The following TSEN2 variants were observed in gnomAD, a reference collection of about 807,000 sequenced individuals.
TSEN2 encodes tRNA splicing endonuclease subunit 2.
In TSEN2, 54 loss-of-function variants were observed where a neutral mutation model predicts 59.2. The observed-to-expected ratio is 0.91, with a 90% CI of 0.73 to 1.14. The LOEUF (loss-of-function observed/expected upper bound fraction) is 1.14, where lower values mean the gene tolerates loss of function less well. Among genes scored for constraint, TSEN2 ranks in the 50% most tolerant of loss-of-function variants. The pLI is 0.00. For synonymous variants in TSEN2, 195 were observed against 198.2 expected, an observed-to-expected ratio of 0.98 and a Z score of 0.14; for missense variants, 636 against 576.2, an observed-to-expected ratio of 1.10 and a Z score of -1.06.
chr3:12,498,633 C>T (rs927196169), intron 4 of TSEN2, among the ~76,000 whole-genome samples: 1 of 152,170 alleles, frequency 6.6e-6, no homozygotes. Flanking sequence ...ATAAACGACA[C>T]ATAGTGACAG....
At chr3:12,511,588 G>A (rs1167653390) in intron 6 of TSEN2, among the ~76,000 whole-genome samples, 1 of 145,376 alleles carries the variant, frequency 6.9e-6, no homozygotes, top group African/African-American at 2.5e-5. Context: ...TTTTTTTGAG[G>A]CAGGGTCTCT....
chr3:12,517,131 A>C (rs1180451862), intron 7 of TSEN2, among the ~76,000 whole-genome samples: 1 of 152,138 alleles, frequency 6.6e-6, no homozygotes, highest in Admixed American at 6.5e-5. Context: ...GCAGATCACA[A>C]GGTCAGGAGA....
intron 9 of TSEN2, 119 bp downstream of exon 9, chr3:12,529,043 A>ACATATAGCATCTATTCG: frequency 1.0e-6 from 1 of 956,906 alleles, no homozygotes; most frequent in Non-Finnish European, 1.7e-6. Flanking sequence ...CCTGATACGA[A>ACATATAGCATCTATTCG]TAGATGCTAT....
At chr3:12,487,724 C>T (rs2052768128) in intron 1 of TSEN2, among the ~76,000 whole-genome samples, 1 of 147,546 alleles carries the variant, frequency 6.8e-6, no homozygotes, top group South Asian at 2.1e-4. Context: ...AGTACTTGGG[C>T]TGAGGGATAA....
At chr3:12,489,648 T>G (rs777043130) in intron 1 of TSEN2, 136 bp from the exon 2 acceptor site, 104 of 717,982 alleles carry the variant, frequency 1.4e-4, no homozygotes, top group Non-Finnish European at 2.3e-4. Context: ...TGCTTTTAGT[T>G]TATTGCTTTA....
chr3:12,518,997 G>A (rs2056395321), intron 7 of TSEN2, 62 bp from the exon 8 acceptor site: 4 of 1,566,290 alleles, frequency 2.6e-6, no homozygotes, highest in Non-Finnish European at 3.5e-6. Context: ...TTGGTGCCCT[G>A]GCTGAACGGA....
intron 7 of TSEN2, among the ~76,000 whole-genome samples, chr3:12,517,330 C>T (rs1406926589): frequency 2.1e-5 from 3 of 142,472 alleles, no homozygotes; most frequent in Non-Finnish European, 4.5e-5. Flanking sequence ...TGCTCTCCAG[C>T]CTGGGCGACA....
At chr3:12,492,587 T>G (rs914756007) in intron 3 of TSEN2, among the ~76,000 whole-genome samples, 1 of 152,234 alleles carries the variant, frequency 6.6e-6, no homozygotes, top group African/African-American at 2.4e-5. Flanking sequence ...ATGTGTGTGG[T>G]TCTCCCTTGC....
At chr3:12,531,810 C>T (rs2057475217) in intron 11 of TSEN2, 151 bp downstream of exon 11, 1 of 656,340 alleles carries the variant, frequency 1.5e-6, no homozygotes, top group Admixed American at 2.4e-5. Flanking sequence ...CACCTTTTCC[C>T]CATTGAACCC....
In TSEN2 at chr3:12,539,207, C is replaced by T. The variant is rs752992950; in HGVS notation, c.1307C>T (p.Ser436Leu). Reference sequence around the variant, plus strand: ...GGAGTCCAATGCTGCGATCTTGGATCACTGCAACCTCTGCCTGCTGGGTTT... The same window carrying T: ...GGAGTCCAATGCTGCGATCTTGGATTACTGCAACCTCTGCCTGCTGGGTTT... Residue 436 changes from serine (S) to leucine (L), a missense_variant, in exon 11 of 11, where the codon TCA (serine) becomes TTA (leucine). By Grantham distance (145) the Ser-to-Leu change is moderately radical (BLOSUM62 -2). Transcript: ENST00000412698. 10 of 418,868 alleles carry T rather than the reference C, an allele frequency of 2.4e-5. No individual in the cohort carries two copies. Among genetic ancestry groups the T allele is most frequent in the Non-Finnish European group, 4.6e-5 (10 of 215,986 alleles). The allele number at this position is 418,868 out of a possible 1,614,324, so 25.9% of individuals were successfully genotyped here. A position where few individuals can be genotyped will look rare whatever the true frequency, so the allele number is the denominator to read the frequency against.
upstream of TSEN2, among the ~76,000 whole-genome samples, chr3:12,480,541 T>TG (rs1331005559): frequency 6.9e-6 from 1 of 144,182 alleles, no homozygotes; most frequent in African/African-American, 2.6e-5. Flanking sequence ...TTTTTTTTTT[T>TG]TTTTTTTTTG....
At chr3:12,527,279 C>T (rs759304838) in intron 8 of TSEN2, among the ~76,000 whole-genome samples, 3 of 152,112 alleles carry the variant, frequency 2.0e-5, no homozygotes, top group Non-Finnish European at 4.4e-5. Flanking sequence ...TGAAGGGTTA[C>T]TGTGTCGTCC....
At position 12,490,082 on chromosome 3, in the gene TSEN2, A is replaced by G. The variant is rs78760113; in HGVS notation, c.189+93A>G. 3.6e-3 allele frequency: 4,201 copies of G among 1,154,010 alleles called. 86 individuals are homozygous for G. In the African/African-American group the frequency reaches 0.047, roughly 13 times the overall value. 71.5% of individuals were successfully genotyped at this position (1,154,010 alleles called of 1,614,324 possible). A position where few individuals can be genotyped will look rare whatever the true frequency, so the allele number is the denominator to read the frequency against. On this transcript the variant is annotated intron_variant, in intron 2 of 11. Transcript: ENST00000284995. ...CCATCCCAGCCATACCCCCACACCA[A>G]CCATGAACAATGTGTATTCTTTCCT... is the stretch of plus-strand genomic sequence containing the variant.
intron 11 of TSEN2, among the ~76,000 whole-genome samples, chr3:12,531,891 T>C (rs2057482340): frequency 6.6e-6 from 1 of 152,196 alleles, no homozygotes; most frequent in African/African-American, 2.4e-5. Context: ...GATGTCCCCA[T>C]CACTCAGCTG....
intron 6 of TSEN2, among the ~76,000 whole-genome samples, chr3:12,508,756 T>C (rs2055106177): frequency 6.6e-6 from 1 of 152,248 alleles, no homozygotes; most frequent in South Asian, 2.1e-4. Context: ...ACCTCAGTTA[T>C]TTCTGAGTAG....
chr3:12,507,183 A>T (rs2054925034), intron 6 of TSEN2, among the ~76,000 whole-genome samples: 1 of 152,002 alleles, frequency 6.6e-6, no homozygotes, highest in South Asian at 2.1e-4. Context: ...AAAGAGTAAG[A>T]CTCCGTCTCT....
At chr3:12,523,236 G>T (rs189269670) in intron 8 of TSEN2, among the ~76,000 whole-genome samples, 1 of 152,246 alleles carries the variant, frequency 6.6e-6, no homozygotes, top group East Asian at 1.9e-4. Context: ...CAAAGGTCTG[G>T]TTACTCCTAA....
intron 2 of TSEN2, among the ~76,000 whole-genome samples, chr3:12,491,796 T>A (rs2053239244): frequency 6.6e-6 from 1 of 152,140 alleles, no homozygotes; most frequent in Non-Finnish European, 1.5e-5. Context: ...CACCCAACCT[T>A]GGATTGAAGA....
chr3:12,504,790 G>A (rs1210544968), intron 5 of TSEN2, among the ~76,000 whole-genome samples: 3 of 151,544 alleles, frequency 2.0e-5, no homozygotes, highest in Admixed American at 6.6e-5. Context: ...AGGCTGAAGC[G>A]GGAGGGTTGC....
Sources: gnomAD v4.1 joint callset for allele counts (sites outside exome capture counted in the v4.1 genomes callset) on GRCh38, gnomAD v4.1.1 for gene constraint, MANE v1.5 for transcripts, NCBI Gene and HGNC (gene_info 2026-07-23, HGNC 2026-07-21) for gene names.